CLIC5: variants seen among roughly 807,000 people sequenced by gnomAD.
CLIC5 encodes the protein CLIC family member 5.
A neutral mutation model predicts 24.7 loss-of-function variants in CLIC5; 20 were observed. That is an observed-to-expected ratio of 0.81 (90% CI 0.57 to 1.18). The LOEUF is 1.18. Ranked by LOEUF, CLIC5 falls within the 50% of genes most tolerant of loss-of-function variation. The pLI, the probability that CLIC5 is intolerant of heterozygous loss-of-function variation, is 0.00. For synonymous variants in CLIC5, 159 were observed against 135.6 expected (o/e 1.17, Z -1.20); for missense variants, 341 against 326.1 (o/e 1.05, Z -0.35).
At chr6:45,933,642 A>G (rs1324518166) in intron 4 of CLIC5, among the ~76,000 whole-genome samples, 1 of 152,244 alleles carries the variant, frequency 6.6e-6, no homozygotes, top group African/African-American at 2.4e-5. Context: ...AACTAGGTGC[A>G]GCCTTGCGAG....
chr6:45,904,236 G>A (rs1228640867), intron 5 of CLIC5, among the ~76,000 whole-genome samples: 1 of 152,140 alleles, frequency 6.6e-6, no homozygotes, highest in Non-Finnish European at 1.5e-5. Context: ...TAATAAATTA[G>A]TTAATACACA....
intron 1 of CLIC5, among the ~76,000 whole-genome samples, chr6:45,999,570 G>C (rs1348759571): frequency 2.6e-5 from 4 of 151,992 alleles, no homozygotes; most frequent in Non-Finnish European, 5.9e-5. Context: ...ATAAGTATAA[G>C]TGGGTCTTCC....
chr6:45,974,516 TATATATAG>T (rs1561976400), intron 1 of CLIC5, among the ~76,000 whole-genome samples: 77 of 89,954 alleles, frequency 8.6e-4, no homozygotes, highest in African/African-American at 2.0e-3. Flanking sequence ...TATATATATA[TATATATAG>T]AGAGAGAGAG....
At chr6:46,070,097 C>A (rs1350290943) in intron 1 of CLIC5, among the ~76,000 whole-genome samples, 8 of 152,150 alleles carry the variant, frequency 5.3e-5, no homozygotes, top group Non-Finnish European at 8.8e-5. Flanking sequence ...CCATCTGTGA[C>A]AAGGCAAGAT....
intron 1 of CLIC5, among the ~76,000 whole-genome samples, chr6:46,032,101 A>G (rs1269080060): frequency 9.2e-5 from 14 of 152,032 alleles, no homozygotes; most frequent in Non-Finnish European, 2.1e-4. Context: ...GATTTAATTG[A>G]CTCAGTTCCA....
At position 45,941,609 on chromosome 6, in the gene CLIC5, C is replaced by G. The variant is rs1299759569; in HGVS notation, c.344G>C (p.Gly115Ala). 6.2e-7 allele frequency: 1 copy of G among 1,613,760 alleles called. No homozygotes were observed. Among genetic ancestry groups the G allele is most frequent in the African/African-American group, 1.3e-5 (1 of 74,866 alleles). Reference sequence around the variant, plus strand: ...AGAAAACTTGGAAAAGATGTCGATGCCCGCTGTGTTGGATTCCCGGTGTTT... The same window carrying G: ...AGAAAACTTGGAAAAGATGTCGATGGCCGCTGTGTTGGATTCCCGGTGTTT... ...AAKHRESNTA[G>A]IDIFSKFSAY... Residue 115 changes from glycine (G) to alanine (A), a missense_variant, in exon 4 of 6, where the codon GGC becomes GCC. Coordinates refer to ENST00000339561, the MANE Select transcript of CLIC5 (RefSeq NM_016929.5).
chr6:45,920,621 A>T (rs1172403179), intron 4 of CLIC5: 3 of 913,856 alleles, frequency 3.3e-6, no homozygotes, highest in Non-Finnish European at 3.9e-6. Context: ...GGAAACAAAA[A>T]ATAATAATAA....
At chr6:45,926,180 T>TAC (rs1024389820) in intron 4 of CLIC5, among the ~76,000 whole-genome samples, 3 of 150,502 alleles carry the variant, frequency 2.0e-5, no homozygotes, top group African/African-American at 4.9e-5. Flanking sequence ...GAAACATATA[T>TAC]ACACACACAC....
chr6:46,115,830 T>C, the CLIC5 span, among the ~76,000 whole-genome samples: 96,535 of 152,166 alleles, frequency 0.63, 30,804 homozygotes, highest in Middle Eastern at 0.82. Context: ...AGATGGCATT[T>C]ATGCCAGGTC....
the CLIC5 span, among the ~76,000 whole-genome samples, chr6:46,098,260 C>T: frequency 1.3e-5 from 2 of 152,180 alleles, no homozygotes; most frequent in Non-Finnish European, 1.5e-5. Context: ...CAATACTTAT[C>T]AAAGTGTGAT....
rs1269984006 is a variant in CLIC5 at position 45,900,315 on chromosome 6, T to G, written c.*2773A>C. 1 of 152,178 alleles carries G rather than the reference T, an allele frequency of 6.6e-6. No individual in the cohort carries two copies. The highest frequency in any genetic ancestry group is 1.5e-5 in the Non-Finnish European group (1 of 68,056). 9.4% of individuals were successfully genotyped at this position (152,178 alleles called of 1,614,324 possible). A position where few individuals can be genotyped will look rare whatever the true frequency, so the allele number is the denominator to read the frequency against. On this transcript the variant is annotated 3_prime_UTR_variant, in exon 6 of 6. Coordinates refer to ENST00000339561, the MANE Select transcript of CLIC5 (RefSeq NM_016929.5). ...CTTTCTGTGCCACCAAAATGCTTTC[T>G]GAGCGATTTGTATTCATTCAGGACC... is the stretch of plus-strand genomic sequence containing the variant.
intron 3 of CLIC5, among the ~76,000 whole-genome samples, chr6:45,947,313 G>T (rs1486964648): frequency 6.6e-6 from 1 of 152,168 alleles, no homozygotes; most frequent in African/African-American, 2.4e-5. Context: ...TGGCTAAAGG[G>T]CATGTGAAGA....
chr6:45,953,912 C>A, intron 2 of CLIC5, among the ~76,000 whole-genome samples: 1 of 152,004 alleles, frequency 6.6e-6, no homozygotes, highest in African/African-American at 2.4e-5. Context: ...GGAGAATGCT[C>A]TAGACTTGGC....
At chr6:46,120,213 G>A in the CLIC5 span, among the ~76,000 whole-genome samples, 21 of 152,154 alleles carry the variant, frequency 1.4e-4, 1 homozygote, top group Admixed American at 7.9e-4. Context: ...TCACACGGCC[G>A]GGTACTCCTC....
At chr6:45,992,851 C>T (rs9472647) in intron 1 of CLIC5, among the ~76,000 whole-genome samples, 52 of 151,986 alleles carry the variant, frequency 3.4e-4, no homozygotes, top group Non-Finnish European at 6.3e-4. Flanking sequence ...CCATATGAAC[C>T]AATTTTATTA....
intron 2 of CLIC5, among the ~76,000 whole-genome samples, chr6:45,954,916 C>T (rs1041024762): frequency 1.1e-4 from 17 of 152,178 alleles, no homozygotes; most frequent in Non-Finnish European, 2.2e-4. Flanking sequence ...CTTTGCTAAT[C>T]GTAACTTGCT....
At chr6:45,896,819 T>C (rs1253188219), downstream of CLIC5, among the ~76,000 whole-genome samples, 5 of 152,172 alleles carry the variant, frequency 3.3e-5, no homozygotes, top group Non-Finnish European at 7.4e-5. Context: ...TCCCAGCTCT[T>C]GGTCAGCCTG....
At chr6:46,055,611 A>G (rs1471698339) in intron 1 of CLIC5, among the ~76,000 whole-genome samples, 1 of 152,192 alleles carries the variant, frequency 6.6e-6, no homozygotes, top group Non-Finnish European at 1.5e-5. Context: ...AATCTTTCTG[A>G]GCTGAAGACC....
chr6:45,974,617 T>A (rs1765326900), intron 1 of CLIC5, among the ~76,000 whole-genome samples: 1 of 149,242 alleles, frequency 6.7e-6, no homozygotes, highest in Non-Finnish European at 1.5e-5. Flanking sequence ...CAGGACCTGA[T>A]ACTGATAACA....
Sources: allele counts gnomAD v4.1 joint callset (sites outside exome capture counted in the v4.1 genomes callset), GRCh38; gene constraint gnomAD v4.1.1; transcripts MANE v1.5; gene names NCBI Gene and HGNC (gene_info 2026-07-23, HGNC 2026-07-21).